Variants in NECTIN1 observed in about 807,000 individuals in gnomAD.
NECTIN1 encodes nectin cell adhesion molecule 1.
Under a neutral mutation model 48.0 loss-of-function variants are expected in NECTIN1, and 23 were observed. The ratio of observed to expected loss-of-function variants is 0.48; its 90% CI spans 0.34 to 0.68. The LOEUF is 0.68. NECTIN1 is among the 30% of genes least tolerant of loss of function. NECTIN1 has a pLI of 0.01. For missense variants in NECTIN1, 591 were observed against 709.9 expected, an observed-to-expected ratio of 0.83 and a Z score of 1.90; for synonymous variants, 270 against 288.9, an observed-to-expected ratio of 0.93 and a Z score of 0.66.
At chr11:119,715,963 T>A (rs1255423381) in intron 1 of NECTIN1, among the ~76,000 whole-genome samples, 1 of 151,912 alleles carries the variant, frequency 6.6e-6, no homozygotes, top group African/African-American at 2.4e-5. Flanking sequence ...GCCTGGCACA[T>A]GTCGAGTGAA....
chr11:119,639,438 G>C (rs1864290174), intron 6 of NECTIN1: 1 of 231,362 alleles, frequency 4.3e-6, no homozygotes, highest in Non-Finnish European at 8.5e-6. Flanking sequence ...TATCCTGATG[G>C]TTGAGGGTTT....
chr11:119,662,377 G>A lies in NECTIN1; in HGVS notation c.*2370C>T, dbSNP rs1295394242. 1.0e-5 allele frequency: 10 copies of A among 985,776 alleles called. No homozygotes were observed. Among genetic ancestry groups the A allele is most frequent in the Middle Eastern group, 5.2e-4 (1 of 1,916 alleles). 61.1% of individuals were successfully genotyped at this position (985,776 alleles called of 1,614,324 possible). ...AGCCCAGGCTGGCAGCTGCTCGGTG[G>A]GTATGCTGAGGCTGGGCCCCTGGCA... On this transcript the variant is annotated 3_prime_UTR_variant, in exon 6 of 6. Coordinates refer to ENST00000264025, the MANE Select transcript of NECTIN1 (RefSeq NM_002855.5). The surrounding 1 kb of genome is among the most constrained non-coding windows in gnomAD (Gnocchi z 5.3).
chr11:119,653,436 T>C (rs1477920640), intron 5 of NECTIN1, among the ~76,000 whole-genome samples: 1 of 152,088 alleles, frequency 6.6e-6, no homozygotes, highest in Non-Finnish European at 1.5e-5. Flanking sequence ...TGCAGGAGGG[T>C]GGCCCGGCGC....
Position 119,678,843 on chromosome 11 carries a change from C to A in NECTIN1, c.80-78G>T. ...CCCACACAGTTCCCTGTGCTCTGGCCTTGTCTTTTATAGCAGTCATTATTG... is the reference window on the plus strand; with the variant it reads ...CCCACACAGTTCCCTGTGCTCTGGCATTGTCTTTTATAGCAGTCATTATTG... On this transcript the variant is annotated intron_variant, in intron 1 of 5. Coordinates refer to ENST00000264025, the MANE Select transcript of NECTIN1 (RefSeq NM_002855.5). This position sits in a 1 kb window ranked among gnomAD's most constrained non-coding sequence, Gnocchi z 4.4. 1 of 976,428 alleles carries A rather than the reference C, an allele frequency of 1.0e-6. No individual in the cohort carries two copies. The highest frequency in any genetic ancestry group is 2.6e-5 in the East Asian group (1 of 38,348). 60.5% of individuals were successfully genotyped at this position (976,428 alleles called of 1,614,324 possible).
chr11:119,674,398 C>T (rs1265551807), intron 5 of NECTIN1: 12 of 1,510,214 alleles, frequency 7.9e-6, no homozygotes, highest in East Asian at 6.9e-5. Flanking sequence ...GTAATAATCA[C>T]GGAACATTGG....
intron 1 of NECTIN1, among the ~76,000 whole-genome samples, chr11:119,680,858 C>T (rs930456663): frequency 6.6e-6 from 1 of 151,028 alleles, no homozygotes; most frequent in Non-Finnish European, 1.5e-5. Flanking sequence ...TGGGCAGAGG[C>T]CCCATGGGTT....
chr11:119,680,804 G>C (rs181210368), intron 1 of NECTIN1, among the ~76,000 whole-genome samples: 3 of 152,318 alleles, frequency 2.0e-5, no homozygotes, highest in Non-Finnish European at 2.9e-5. Context: ...TCCTCCAGCT[G>C]TTCCCTCTGC....
chr11:119,646,172 G>A lies in NECTIN1; in HGVS notation c.1004-6160C>T, dbSNP rs537716963. Among the ~76,000 whole-genome samples the A allele has an allele frequency of 2.0e-4, 30 of 152,316 alleles. No homozygotes were observed. In the South Asian group the frequency reaches 6.2e-3, roughly 32 times the overall value. On this transcript the variant is annotated intron_variant, in intron 5 of 7. Coordinates refer to the NECTIN1 transcript ENST00000341398. ...TTTTCTCCTTGGCCACACAGAATTTGCTCTGGTTCTGAACTCAGGTGGAGG... is the reference window on the plus strand; with the variant it reads ...TTTTCTCCTTGGCCACACAGAATTTACTCTGGTTCTGAACTCAGGTGGAGG...
At chr11:119,649,425 C>T (rs931908412) in intron 5 of NECTIN1, among the ~76,000 whole-genome samples, 8 of 150,274 alleles carry the variant, frequency 5.3e-5, no homozygotes, top group East Asian at 2.0e-4. Flanking sequence ...CAGTGGCTCA[C>T]GCCTGTAATC....
intron 7 of NECTIN1, chr11:119,638,269 G>A (rs886288486): frequency 1.2e-6 from 2 of 1,613,460 alleles, no homozygotes; most frequent in African/African-American, 1.3e-5. Context: ...GGCGGTGAGT[G>A]CTGCACAGAC....
At position 119,638,823 on chromosome 11, in the gene NECTIN1, G is replaced by A. The variant is rs199629819; in HGVS notation, c.1152-17C>T. 3.3e-5 allele frequency: 53 copies of A among 1,608,590 alleles called. No homozygotes were observed. In the East Asian group the frequency reaches 1.1e-3, roughly 32 times the overall value. On this transcript the variant is annotated splice_polypyrimidine_tract_variant and intron_variant, in intron 6 of 7. Coordinates refer to the NECTIN1 transcript ENST00000341398. ...TGGTCGGTCCTGGAGACAGAATGAG[G>A]GTAAGCTCAGCACAGGAGCACACAT...
rs1565388612 is a variant in NECTIN1, at chr11:119,678,594, G to A, written c.251C>T (p.Ser84Phe). 3 of 1,614,224 alleles carry A rather than the reference G, an allele frequency of 1.9e-6. No individual in the cohort carries two copies. The highest frequency in any genetic ancestry group is 2.5e-6 in the Non-Finnish European group (3 of 1,180,044). Residue 84 changes from serine (S) to phenylalanine (F), a missense_variant, in exon 2 of 6, where the codon TCC (serine) becomes TTC (phenylalanine). Coordinates refer to ENST00000264025, the MANE Select transcript of NECTIN1 (RefSeq NM_002855.5). The surrounding 1 kb of genome is among the most constrained non-coding windows in gnomAD (Gnocchi z 4.4). ...SKQNVAIYNP[S>F]MGVSVLAPYR... is the part of the protein sequence containing the mutation. Reference sequence around the variant, plus strand: ...GGGAGCCAGCACGGACACGCCCATGGATGGGTTGTAGATGGCCACGTTCTG... The same window carrying A: ...GGGAGCCAGCACGGACACGCCCATGAATGGGTTGTAGATGGCCACGTTCTG...
intron 1 of NECTIN1, chr11:119,713,769 A>T: frequency 4.5e-6 from 2 of 445,592 alleles, no homozygotes; most frequent in Non-Finnish European, 9.0e-6. Flanking sequence ...TCACCTCCTC[A>T]CCCCCCGCCC....
intron 1 of NECTIN1, among the ~76,000 whole-genome samples, chr11:119,721,315 T>G (rs909724108): frequency 1.3e-5 from 2 of 152,146 alleles, no homozygotes; most frequent in African/African-American, 4.8e-5. Context: ...TTTCCAGCTT[T>G]GGGAAGCAAG....
chr11:119,715,744 G>T (rs1227113080), intron 1 of NECTIN1, among the ~76,000 whole-genome samples: 4 of 152,072 alleles, frequency 2.6e-5, no homozygotes, highest in Non-Finnish European at 5.9e-5. Flanking sequence ...AAACAGGATG[G>T]CTTAAAGAGA....
At position 119,709,237 on chromosome 11, in the gene NECTIN1, C is replaced by G. The variant is rs1230952686; in HGVS notation, c.79+19238G>C. 3.3e-5 allele frequency among the ~76,000 whole-genome samples: 5 copies of G among 152,118 alleles called. No homozygotes were observed. Among genetic ancestry groups the G allele is most frequent in the Non-Finnish European group, 7.4e-5 (5 of 68,008 alleles). ...GGGAAATTAGGGCAGAAAATAACAC[C>G]GTGAAAACAGAACTGTCTGTTCAGA... On this transcript the variant is annotated intron_variant, in intron 1 of 5. Transcript: ENST00000264025. This position sits in a 1 kb window ranked among gnomAD's most constrained non-coding sequence, Gnocchi z 4.1.
In NECTIN1 at chr11:119,663,444, T is replaced by C. The variant is rs1864703567; in HGVS notation, c.*1303A>G. On this transcript the variant is annotated 3_prime_UTR_variant, in exon 6 of 6. Transcript: ENST00000264025. Reference sequence around the variant, plus strand: ...CCTAGGCCCTCCCCTCATCCCAGAATGAGGACCAGGGGTGGCTGAGCAGGA... The same window carrying C: ...CCTAGGCCCTCCCCTCATCCCAGAACGAGGACCAGGGGTGGCTGAGCAGGA... The C allele has an allele frequency of 1.0e-6, 1 of 985,452 alleles. No individual in the cohort carries two copies. The highest frequency in any genetic ancestry group is 1.2e-6 in the Non-Finnish European group (1 of 829,938). The allele number at this position is 985,452 out of a possible 1,614,324, so 61.0% of individuals were successfully genotyped here.
chr11:119,711,342 A>G (rs1162353969), intron 1 of NECTIN1, among the ~76,000 whole-genome samples: 1 of 151,742 alleles, frequency 6.6e-6, no homozygotes, highest in African/African-American at 2.4e-5. Context: ...GTGAGCTGAG[A>G]TCGTGCCACC....
intron 1 of NECTIN1, among the ~76,000 whole-genome samples, chr11:119,718,184 A>G (rs1474144474): frequency 6.6e-6 from 1 of 152,136 alleles, no homozygotes; most frequent in East Asian, 1.9e-4. Context: ...CGAGAGGACA[A>G]TCTGCACAGG....
Sources: allele counts gnomAD v4.1 joint callset (sites outside exome capture counted in the v4.1 genomes callset), GRCh38; gene constraint gnomAD v4.1.1; non-coding constraint Gnocchi (gnomAD v3.1); transcripts MANE v1.5; gene names NCBI Gene and HGNC (gene_info 2026-07-23, HGNC 2026-07-21).